TNNI3K: variants seen among roughly 807,000 people sequenced by gnomAD.
TNNI3K encodes the protein TNNI3 interacting kinase.
TNNI3K carries 140 observed loss-of-function variants against 114.5 expected under a neutral mutation model. That is an observed-to-expected ratio of 1.22 (90% CI 1.07 to 1.41). The LOEUF (loss-of-function observed/expected upper bound fraction) is 1.41. TNNI3K is among the 40% of genes most tolerant of loss of function. The pLI is 0.00. For missense variants in TNNI3K, 1,125 were observed against 1,007.6 expected (o/e 1.12, Z -1.58); for synonymous variants, 347 against 347.5 (o/e 1.00, Z 0.02).
intron 5 of TNNI3K, among the ~76,000 whole-genome samples, chr1:74,309,576 T>C (rs1658863860): frequency 6.6e-6 from 1 of 151,980 alleles, no homozygotes; most frequent in South Asian, 2.1e-4. Flanking sequence ...ACTAGAAAAC[T>C]GGATCCAGCA....
intron 5 of TNNI3K, among the ~76,000 whole-genome samples, chr1:74,327,166 G>C (rs1027319330): frequency 2.0e-5 from 3 of 151,342 alleles, no homozygotes; most frequent in Non-Finnish European, 4.4e-5. Flanking sequence ...ACTTCACTTG[G>C]ATGTTTTTTG....
At chr1:74,334,902 A>G (rs1201371757) in intron 6 of TNNI3K, among the ~76,000 whole-genome samples, 1 of 152,186 alleles carries the variant, frequency 6.6e-6, no homozygotes, top group East Asian at 1.9e-4. Context: ...GACCTACATT[A>G]TGAAATTGAC....
At chr1:74,367,463 T>G in intron 12 of TNNI3K, 121 bp downstream of exon 12, 1 of 1,012,522 alleles carries the variant, frequency 9.9e-7, no homozygotes, top group East Asian at 2.7e-5. Flanking sequence ...CTATGTCAGA[T>G]TAGATTTATT....
At chr1:74,435,642 G>A (rs1466076150) in intron 17 of TNNI3K, among the ~76,000 whole-genome samples, 2 of 151,998 alleles carry the variant, frequency 1.3e-5, no homozygotes. Flanking sequence ...GAATCCTTTT[G>A]CTACATTCAT....
At chr1:74,491,378 C>T (rs1263986537) in intron 22 of TNNI3K, among the ~76,000 whole-genome samples, 1 of 152,168 alleles carries the variant, frequency 6.6e-6, no homozygotes, top group Non-Finnish European at 1.5e-5. Context: ...TGCCACCACT[C>T]CCAGCTAATT....
intron 5 of TNNI3K, among the ~76,000 whole-genome samples, chr1:74,323,531 A>G (rs1187443001): frequency 6.6e-6 from 1 of 152,170 alleles, no homozygotes; most frequent in Non-Finnish European, 1.5e-5. Flanking sequence ...TGCAAAGACA[A>G]TATCAGCCGA....
intron 5 of TNNI3K, among the ~76,000 whole-genome samples, chr1:74,304,596 C>T (rs1377975521): frequency 6.6e-6 from 1 of 151,992 alleles, no homozygotes; most frequent in Non-Finnish European, 1.5e-5. Context: ...GTTTGTGCCA[C>T]CATGCCTGTC....
At chr1:74,343,705 T>C (rs1660862766) in intron 9 of TNNI3K, among the ~76,000 whole-genome samples, 1 of 152,158 alleles carries the variant, frequency 6.6e-6, no homozygotes, top group South Asian at 2.1e-4. Context: ...GCATCAGCTC[T>C]TCTCTAGGAA....
intron 23 of TNNI3K, among the ~76,000 whole-genome samples, chr1:74,509,940 G>A (rs1249994633): frequency 1.3e-5 from 2 of 151,176 alleles, no homozygotes; most frequent in Non-Finnish European, 3.0e-5. Flanking sequence ...TTTTTGTAGA[G>A]ACAGGGTTTC....
chr1:74,482,326 G>A (rs1020763607), intron 21 of TNNI3K, among the ~76,000 whole-genome samples: 1 of 152,062 alleles, frequency 6.6e-6, no homozygotes, highest in Non-Finnish European at 1.5e-5. Context: ...ATGAGAAGGG[G>A]GATATAGAGA....
intron 17 of TNNI3K, among the ~76,000 whole-genome samples, chr1:74,386,959 A>T (rs1039723608): frequency 6.6e-6 from 1 of 152,220 alleles, no homozygotes; most frequent in Admixed American, 6.5e-5. Context: ...TTGTCAAGAC[A>T]AGGGAGATTT....
rs957597192 is a variant in TNNI3K at position 74,469,566 on chromosome 1, ATTTG to A, written c.2121+6020_2121+6023del. The A allele has an allele frequency of 3.9e-5, 7 of 177,642 alleles. No individual in the cohort carries two copies. The Admixed American group carries it at 4.0e-4, about 10-fold the overall frequency. 11.0% of individuals were successfully genotyped at this position (177,642 alleles called of 1,614,324 possible). A position where few individuals can be genotyped will look rare whatever the true frequency, so the allele number is the denominator to read the frequency against. On this transcript the variant is annotated intron_variant, in intron 21 of 24. Transcript: ENST00000326637. Reference sequence around the variant, plus strand: ...AAATACTCTTCTTATGTAGTTTTTCATTTGTTTAAGGCTTTTTTTTTTTCAATGT... The same window carrying A: ...AAATACTCTTCTTATGTAGTTTTTCATTTAAGGCTTTTTTTTTTTCAATGT...
intron 23 of TNNI3K, among the ~76,000 whole-genome samples, chr1:74,516,408 A>G (rs1322766761): frequency 6.6e-6 from 1 of 152,226 alleles, no homozygotes; most frequent in African/African-American, 2.4e-5. Flanking sequence ...TTGAGTCAGG[A>G]AGGCAATATC....
At position 74,343,106 on chromosome 1, in the gene TNNI3K, A is replaced by G. The variant is rs200307603; in HGVS notation, c.859A>G (p.Lys287Glu). 1 of 1,613,408 alleles carries G rather than the reference A, an allele frequency of 6.2e-7. No individual in the cohort carries two copies. Among genetic ancestry groups the G allele is most frequent in the African/African-American group, 1.3e-5 (1 of 74,890 alleles). The change falls in exon 9 of 25, where the codon AAG becomes GAG. Residue 287 changes from lysine (K) to glutamate (E), a missense_variant. Transcript: ENST00000326637. Reference sequence around the variant, plus strand: ...CTACAATGGCAAATTTGAAGTTGCCAAGGAAATCATCCAAATATCAGGAAC... The same window carrying G: ...CTACAATGGCAAATTTGAAGTTGCCGAGGAAATCATCCAAATATCAGGAAC... Reference protein sequence around the residue: ...ACYNGKFEVAKEIIQISGTES... With the variant: ...ACYNGKFEVAEEIIQISGTES...
Position 74,501,681 on chromosome 1 carries a change from G to A in TNNI3K, c.2351+9415G>A, listed in dbSNP as rs1669639795. Among the ~76,000 whole-genome samples the A allele has an allele frequency of 2.0e-5, 3 of 152,156 alleles. No individual in the cohort carries two copies. In the South Asian group the frequency reaches 6.2e-4, roughly 32 times the overall value. On this transcript the variant is annotated intron_variant, in intron 23 of 24. Coordinates refer to ENST00000326637, the MANE Select transcript of TNNI3K (RefSeq NM_015978.3). ...TTTGTACTTTTTTAGTAGAGACGGG[G>A]TTTCACCATGTTGGTCAGGCTGGTT...
chr1:74,490,416 C>T (rs1010645729), intron 22 of TNNI3K, among the ~76,000 whole-genome samples: 1 of 152,094 alleles, frequency 6.6e-6, no homozygotes, highest in South Asian at 2.1e-4. Context: ...GAGTTTGCTT[C>T]GAGCCTAATG....
chr1:74,272,710 T>A (rs1656425316), intron 5 of TNNI3K, among the ~76,000 whole-genome samples: 1 of 151,948 alleles, frequency 6.6e-6, no homozygotes, highest in East Asian at 1.9e-4. Flanking sequence ...AGTATTAATT[T>A]TATATATCCT....
intron 23 of TNNI3K, among the ~76,000 whole-genome samples, chr1:74,527,894 A>G (rs1346182964): frequency 1.3e-5 from 2 of 152,026 alleles, no homozygotes; most frequent in African/African-American, 4.8e-5. Flanking sequence ...GGTGGATGGG[A>G]GTGGTGGGTG....
chr1:74,399,143 G>C (rs570163548), intron 17 of TNNI3K, among the ~76,000 whole-genome samples: 1 of 97,568 alleles, frequency 1.0e-5, no homozygotes, highest in East Asian at 3.2e-4. Context: ...TGGGCAACAA[G>C]AGCAAAACCC....
Sources: gnomAD v4.1 joint callset for allele counts (sites outside exome capture counted in the v4.1 genomes callset) on GRCh38, gnomAD v4.1.1 for gene constraint, MANE v1.5 for transcripts, NCBI Gene and HGNC (gene_info 2026-07-23, HGNC 2026-07-21) for gene names.